Variants in TPO observed in about 807,000 individuals in gnomAD.
TPO encodes thyroid peroxidase, also known as thyroid microsomal antigen.
TPO carries 78 observed loss-of-function variants against 96.9 expected under a neutral mutation model. The ratio of observed to expected loss-of-function variants is 0.81; its 90% CI spans 0.67 to 0.97. The LOEUF (loss-of-function observed/expected upper bound fraction) is 0.97, where lower values mean the gene tolerates loss of function less well. Ranked by LOEUF, TPO falls within the 50% of genes least tolerant of loss-of-function variation. TPO has a pLI of 0.00. For missense variants in TPO, 1,252 were observed against 1,274.8 expected (o/e 0.98, Z 0.27); for synonymous variants, 547 against 538.0 (o/e 1.02, Z -0.23).
Position 1,496,030 on chromosome 2 carries a change from G to T in TPO, c.2048G>T (p.Arg683Met). Residue 683 changes from arginine to methionine, a missense_variant, in exon 12 of 17, where the codon AGG (arginine) becomes ATG (methionine). Physicochemically the swap from Arg to Met is moderately conservative, Grantham distance 91. Coordinates refer to ENST00000329066, the MANE Select transcript of TPO (RefSeq NM_001206744.2). ...AGCCACGTCTTCACGGATGCACAGAGGCGTGAGCTGGAGAAGCACTCCCTG... is the reference window on the plus strand; with the variant it reads ...AGCCACGTCTTCACGGATGCACAGATGCGTGAGCTGGAGAAGCACTCCCTG... ...ENSHVFTDAQRRELEKHSLSR... is the reference protein window; with the variant it reads ...ENSHVFTDAQMRELEKHSLSR... 2 of 1,613,690 alleles carry T rather than the reference G, an allele frequency of 1.2e-6. No homozygotes were observed. The highest frequency in any genetic ancestry group is 1.1e-5 in the South Asian group (1 of 91,034).
At chr2:1,485,266 T>G (rs1207104085) in intron 9 of TPO, among the ~76,000 whole-genome samples, 3 of 152,208 alleles carry the variant, frequency 2.0e-5, no homozygotes, top group Admixed American at 1.3e-4. Flanking sequence ...TAGTATTCCT[T>G]GGTGTATATG....
At chr2:1,539,245 T>G (rs1680443052) in intron 15 of TPO, among the ~76,000 whole-genome samples, 1 of 152,226 alleles carries the variant, frequency 6.6e-6, no homozygotes, top group Non-Finnish European at 1.5e-5. Flanking sequence ...TCACTGAATT[T>G]TAATAGAAGC....
At position 1,414,382 on chromosome 2, in the gene TPO, ACT is replaced by A. The variant is rs771399217; in HGVS notation, c.-1-23_-1-22del. The A allele has an allele frequency of 2.5e-6, 4 of 1,603,936 alleles. No homozygotes were observed. In the Middle Eastern group the frequency reaches 6.7e-4, roughly 268 times the overall value. ...TGGCCTTGTCAGTGCTTGATTACATACTCTGTCTCCTTCCGTTAATTTTAGAA... is the reference window on the plus strand; with the variant it reads ...TGGCCTTGTCAGTGCTTGATTACATACTGTCTCCTTCCGTTAATTTTAGAA... On this transcript the variant is annotated intron_variant, in intron 1 of 16. Coordinates refer to ENST00000329066, the MANE Select transcript of TPO (RefSeq NM_001206744.2).
Position 1,498,909 on chromosome 2 carries a change from C to T in TPO, c.2386+2144C>T, listed in dbSNP as rs541335185. On this transcript the variant is annotated intron_variant, in intron 13 of 16. Coordinates refer to ENST00000329066, the MANE Select transcript of TPO (RefSeq NM_001206744.2). Reference sequence around the variant, plus strand: ...ACTTCACTCACGATTCCTGGTTTTCCGTGTTGGCATTACAGTTAAGGAATT... The same window carrying T: ...ACTTCACTCACGATTCCTGGTTTTCTGTGTTGGCATTACAGTTAAGGAATT... Among the ~76,000 whole-genome samples, 5 of 152,230 alleles carry T rather than the reference C, an allele frequency of 3.3e-5. No individual in the cohort carries two copies. In the South Asian group the frequency reaches 8.3e-4, roughly 25 times the overall value.
At chr2:1,531,889 CCTA>C (rs1678337964) in intron 15 of TPO, among the ~76,000 whole-genome samples, 1 of 109,398 alleles carries the variant, frequency 9.1e-6, no homozygotes, top group South Asian at 3.6e-4. Flanking sequence ...CTCAAATCAC[CCTA>C]CTGTGTGCAA....
At chr2:1,404,144 C>T (rs564169098) in intron 1 of TPO, among the ~76,000 whole-genome samples, 1 of 152,312 alleles carries the variant, frequency 6.6e-6, no homozygotes, top group South Asian at 2.1e-4. Context: ...AGTGGAGGGG[C>T]TAAGAGACAC....
chr2:1,499,762 T>C (rs1047267581), intron 13 of TPO, among the ~76,000 whole-genome samples: 2 of 152,128 alleles, frequency 1.3e-5, no homozygotes, highest in African/African-American at 2.4e-5. Flanking sequence ...CTGTCTTCTC[T>C]CTCTAGTTCA....
intron 8 of TPO, among the ~76,000 whole-genome samples, chr2:1,481,948 C>T (rs796817423): frequency 5.3e-5 from 8 of 152,270 alleles, no homozygotes; most frequent in South Asian, 2.1e-4. Flanking sequence ...GGGCTTCCTG[C>T]GGAGGAGCAC....
intron 7 of TPO, among the ~76,000 whole-genome samples, chr2:1,469,921 C>T (rs58529796): frequency 0.053 from 8,139 of 152,198 alleles, 287 homozygotes; most frequent in East Asian, 0.16. Flanking sequence ...AAGTTCACGA[C>T]GTGAACCTCC....
At chr2:1,475,427 T>C (rs1669803722) in intron 7 of TPO, among the ~76,000 whole-genome samples, 1 of 151,520 alleles carries the variant, frequency 6.6e-6, no homozygotes, top group African/African-American at 2.4e-5. Flanking sequence ...TTTTTTTTTC[T>C]TTTTTCTTTT....
At chr2:1,510,635 G>A (rs916065384) in intron 14 of TPO, among the ~76,000 whole-genome samples, 2 of 152,176 alleles carry the variant, frequency 1.3e-5, no homozygotes, top group African/African-American at 4.8e-5. Context: ...ACCCAAAGAT[G>A]TGTTGGTGCC....
chr2:1,419,631 G>A (rs932151871), intron 2 of TPO, among the ~76,000 whole-genome samples: 4 of 152,252 alleles, frequency 2.6e-5, no homozygotes, highest in South Asian at 2.1e-4. Context: ...CTGCAGCCCC[G>A]GCCTCCCTTC....
At chr2:1,542,281 CAAG>C (rs1558450340) in intron 16 of TPO, 137 bp from the exon 17 acceptor site, 13 of 1,182,178 alleles carry the variant, frequency 1.1e-5, no homozygotes, top group Non-Finnish European at 1.6e-5. Flanking sequence ...GCATGACAAG[CAAG>C]AAGGATGGCT....
chr2:1,527,848 A>AC (rs1676964045), intron 15 of TPO, among the ~76,000 whole-genome samples: 1 of 95,628 alleles, frequency 1.0e-5, no homozygotes, highest in Non-Finnish European at 2.2e-5. Context: ...CAACCTCCTC[A>AC]AATCCCCCCC....
chr2:1,399,663 C>T (rs971087833), intron 1 of TPO, among the ~76,000 whole-genome samples: 5 of 152,224 alleles, frequency 3.3e-5, no homozygotes, highest in African/African-American at 4.8e-5. Context: ...CTGTTGCCCA[C>T]CCTTTCCATC....
chr2:1,524,572 C>G lies in TPO; in HGVS notation c.2618+7590C>G, dbSNP rs1209123023. Among the ~76,000 whole-genome samples, 16 of 126,832 alleles carry G rather than the reference C, an allele frequency of 1.3e-4. No homozygotes were observed. The South Asian group carries it at 1.7e-3, about 14-fold the overall frequency. The allele number at this position is 126,832 out of a possible 152,430, so 83.2% of individuals were successfully genotyped here. On this transcript the variant is annotated intron_variant, in intron 15 of 16. Transcript: ENST00000329066. ...GGTCCCCCACTGTGTGCAACCCCCC[C>G]AATCCCCCTACTGTGTGTAACCTCC... is the stretch of plus-strand genomic sequence containing the variant.
chr2:1,428,673 T>C (rs576053010), intron 3 of TPO, among the ~76,000 whole-genome samples: 1 of 152,190 alleles, frequency 6.6e-6, no homozygotes, highest in Non-Finnish European at 1.5e-5. Context: ...GCAGAGAAAG[T>C]GGATTTCATC....
intron 14 of TPO, among the ~76,000 whole-genome samples, chr2:1,512,999 T>G (rs1157602734): frequency 1.3e-5 from 2 of 152,202 alleles, no homozygotes; most frequent in African/African-American, 2.4e-5. Context: ...CACACGTCCC[T>G]GATGAAAGAG....
intron 14 of TPO, among the ~76,000 whole-genome samples, chr2:1,509,915 C>A (rs1213280777): frequency 6.6e-6 from 1 of 151,336 alleles, no homozygotes; most frequent in Non-Finnish European, 1.5e-5. Context: ...TTCAGGGACA[C>A]CCCACCCTGT....
Sources: gnomAD v4.1 joint callset for allele counts (sites outside exome capture counted in the v4.1 genomes callset) on GRCh38, gnomAD v4.1.1 for gene constraint, MANE v1.5 for transcripts, NCBI Gene and HGNC (gene_info 2026-07-23, HGNC 2026-07-21) for gene names.